AGAP1: variants seen among roughly 807,000 people sequenced by gnomAD.
The protein encoded by AGAP1 is arf-GAP with GTPase, ANK repeat and PH domain-containing protein 1.
Under a neutral mutation model 105.3 loss-of-function variants are expected in AGAP1, and 29 were observed. That is an observed-to-expected ratio of 0.28 (90% CI 0.21 to 0.38). AGAP1 has a LOEUF of 0.38. AGAP1 is among the 10% of genes least tolerant of loss of function. The pLI, the probability that AGAP1 is intolerant of heterozygous loss-of-function variation, is 1.00. For missense variants in AGAP1, 998 were observed against 1,165.1 expected (o/e 0.86, Z 2.09); for synonymous variants, 509 against 485.9 (o/e 1.05, Z -0.63).
chr2:235,778,664 A>G (rs1024117482), intron 6 of AGAP1, among the ~76,000 whole-genome samples: 1 of 152,162 alleles, frequency 6.6e-6, no homozygotes, highest in Non-Finnish European at 1.5e-5. Flanking sequence ...CAGGGTCCTC[A>G]TCTGGGAAAC....
rs929075556 is a variant in AGAP1, at chr2:235,970,259, G to C, written c.1645+1636G>C. On this transcript the variant is annotated intron_variant, in intron 13 of 17. Transcript: ENST00000304032. The surrounding 1 kb of genome is among the most constrained non-coding windows in gnomAD (Gnocchi z 5.4). The stretch of plus-strand genomic sequence containing the variant: ...TTTTTCTCATGTTGTGGGGAGTGAG[G>C]ATAATCCCATTAAGTCAGCGATGGT... 2.0e-5 allele frequency among the ~76,000 whole-genome samples: 3 copies of C among 150,868 alleles called. No individual in the cohort carries two copies. Among genetic ancestry groups the C allele is most frequent in the Non-Finnish European group, 2.9e-5 (2 of 67,832 alleles).
At chr2:235,870,528 A>C (rs1389800302) in intron 9 of AGAP1, among the ~76,000 whole-genome samples, 1 of 152,120 alleles carries the variant, frequency 6.6e-6, no homozygotes, top group African/African-American at 2.4e-5. Flanking sequence ...TCGGAGGCTG[A>C]GGCAGGAGAA....
chr2:235,771,997 A>ATT (rs1553627860), intron 6 of AGAP1, among the ~76,000 whole-genome samples: 2 of 131,666 alleles, frequency 1.5e-5, no homozygotes, highest in Non-Finnish European at 3.2e-5. Flanking sequence ...TTCTTTTCTT[A>ATT]TCTTTTTTTT....
chr2:235,783,512 G>A, intron 6 of AGAP1: 1 of 365,854 alleles, frequency 2.7e-6, no homozygotes, highest in South Asian at 2.2e-5. Context: ...AAAAGACCTT[G>A]TGACGTCCCT....
chr2:235,498,857 G>C (rs765529704), intron 1 of AGAP1, among the ~76,000 whole-genome samples: 1 of 152,180 alleles, frequency 6.6e-6, no homozygotes, highest in Non-Finnish European at 1.5e-5. Flanking sequence ...CCTGGCACTT[G>C]GCAGGAGAAC....
At position 236,121,273 on chromosome 2, in the gene AGAP1, G is replaced by T. The variant is rs1359861623; in HGVS notation, c.2370+826G>T. Among the ~76,000 whole-genome samples the T allele has an allele frequency of 6.6e-6, 1 of 152,226 alleles. No homozygotes were observed. The highest frequency in any genetic ancestry group is 2.4e-5 in the African/African-American group (1 of 41,458). ...ACAGCAGCATGGGTAGAGTGCAGCA[G>T]GTTTCTGCATGTTTTTGATCTGACT... On this transcript the variant is annotated intron_variant, in intron 17 of 17. Transcript: ENST00000304032. This position sits in a 1 kb window ranked among gnomAD's most constrained non-coding sequence, Gnocchi z 4.9.
intron 1 of AGAP1, among the ~76,000 whole-genome samples, chr2:235,531,055 C>T (rs1574779170): frequency 6.6e-6 from 1 of 152,232 alleles, no homozygotes; most frequent in Non-Finnish European, 1.5e-5. Flanking sequence ...GTGAGAAAAC[C>T]AGTAGCTGAA....
rs532953692 is a variant in AGAP1 at position 235,965,564 on chromosome 2, TCAG to T, written c.1484-2895_1484-2893del. Among the ~76,000 whole-genome samples the T allele has an allele frequency of 1.1e-3, 172 of 152,236 alleles. 1 individual carries two copies. Among genetic ancestry groups the T allele is most frequent in the African/African-American group, 4.0e-3 (165 of 41,544 alleles). On this transcript the variant is annotated intron_variant, in intron 12 of 17. Coordinates refer to ENST00000304032, the MANE Select transcript of AGAP1 (RefSeq NM_001037131.3). The surrounding 1 kb of genome is among the most constrained non-coding windows in gnomAD (Gnocchi z 5.8). ...GCAGACCTGACCGAGCTCTGTGACT[TCAG>T]CAAGTTACTTAACCTTCCCCTGTGC...
intron 12 of AGAP1, among the ~76,000 whole-genome samples, chr2:235,950,887 C>CTTTTTTTTTTTTTT (rs200110792): frequency 1.7e-5 from 2 of 118,258 alleles, no homozygotes; most frequent in Non-Finnish European, 3.6e-5. Flanking sequence ...TCTCCAAGCA[C>CTTTTTTTTTTTTTT]TTTTTTTTTT....
At chr2:235,638,638 G>A (rs1387144982) in intron 1 of AGAP1, among the ~76,000 whole-genome samples, 4 of 151,962 alleles carry the variant, frequency 2.6e-5, no homozygotes, top group Non-Finnish European at 4.4e-5. Flanking sequence ...ATGAATGGTG[G>A]TTCCCAATTA....
In AGAP1 at chr2:235,609,041, A is replaced by G. The variant is rs1432315794; in HGVS notation, c.164-100138A>G. On this transcript the variant is annotated intron_variant, in intron 1 of 17. Coordinates refer to ENST00000304032, the MANE Select transcript of AGAP1 (RefSeq NM_001037131.3). This position sits in a 1 kb window ranked among gnomAD's most constrained non-coding sequence, Gnocchi z 5.1. The stretch of plus-strand genomic sequence containing the variant: ...AAGGAGGGAGGAAGGAGGCAGTGGT[A>G]AGTTCTGCATAGAAATGATTTTTGC... 1.3e-5 allele frequency among the ~76,000 whole-genome samples: 2 copies of G among 152,188 alleles called. No individual in the cohort carries two copies. Among genetic ancestry groups the G allele is most frequent in the African/African-American group, 4.8e-5 (2 of 41,450 alleles).
Position 236,076,771 on chromosome 2 carries a change from T to G in AGAP1, c.2114+27490T>G, listed in dbSNP as rs2058646235. Among the ~76,000 whole-genome samples, 1 of 152,054 alleles carries G rather than the reference T, an allele frequency of 6.6e-6. No individual in the cohort carries two copies. Among genetic ancestry groups the G allele is most frequent in the Non-Finnish European group, 1.5e-5 (1 of 68,010 alleles). On this transcript the variant is annotated intron_variant, in intron 16 of 17. Transcript: ENST00000304032. This position sits in a 1 kb window ranked among gnomAD's most constrained non-coding sequence, Gnocchi z 4.4. ...CCACTTCCTAGAGAAATGCCTCCAGTGAGCCAGGGCTACATTTTGGGAAGT... is the reference window on the plus strand; with the variant it reads ...CCACTTCCTAGAGAAATGCCTCCAGGGAGCCAGGGCTACATTTTGGGAAGT...
intron 1 of AGAP1, among the ~76,000 whole-genome samples, chr2:235,532,245 GTC>G (rs1943069557): frequency 6.6e-6 from 1 of 152,042 alleles, no homozygotes; most frequent in African/African-American, 2.4e-5. Context: ...CTAAGACAAA[GTC>G]TCTCTCTTGC....
chr2:236,003,038 C>T lies in AGAP1; in HGVS notation c.1646-33523C>T, dbSNP rs2056188307. On this transcript the variant is annotated intron_variant, in intron 13 of 17. Coordinates refer to ENST00000304032, the MANE Select transcript of AGAP1 (RefSeq NM_001037131.3). The surrounding 1 kb of genome is among the most constrained non-coding windows in gnomAD (Gnocchi z 4.2). The stretch of plus-strand genomic sequence containing the variant: ...AACACAGAAGTAAGTTAGAAAATTA[C>T]TCACGTATTCGCCCACTGTGTGCCA... Among the ~76,000 whole-genome samples the T allele has an allele frequency of 6.6e-6, 1 of 151,998 alleles. No homozygotes were observed.
intron 1 of AGAP1, among the ~76,000 whole-genome samples, chr2:235,558,141 C>T (rs1944031357): frequency 6.6e-6 from 1 of 152,126 alleles, no homozygotes; most frequent in African/African-American, 2.4e-5. Context: ...TGTGCCTGGC[C>T]CCGCAGGGTA....
chr2:235,527,739 A>T (rs1371875464), intron 1 of AGAP1, among the ~76,000 whole-genome samples: 1 of 152,182 alleles, frequency 6.6e-6, no homozygotes, highest in Non-Finnish European at 1.5e-5. Flanking sequence ...CACGGTAGAA[A>T]CAGGGTGGAA....
chr2:235,841,566 G>C (rs1960845636), intron 9 of AGAP1, among the ~76,000 whole-genome samples: 1 of 152,118 alleles, frequency 6.6e-6, no homozygotes, highest in African/African-American at 2.4e-5. Flanking sequence ...GGAGGTTGAG[G>C]CTGCAGTGAA....
intron 6 of AGAP1, chr2:235,776,902 T>G: frequency 2.1e-6 from 1 of 470,690 alleles, no homozygotes; most frequent in Non-Finnish European, 4.4e-6. Context: ...CCTCTCTGGC[T>G]TTTCCGCCAA....
rs899607648 is a variant in AGAP1, at chr2:235,633,024, C to G, written c.164-76155C>G. 2.6e-5 allele frequency among the ~76,000 whole-genome samples: 4 copies of G among 152,026 alleles called. No homozygotes were observed. The highest frequency in any genetic ancestry group is 9.7e-5 in the African/African-American group (4 of 41,380). On this transcript the variant is annotated intron_variant, in intron 1 of 17. Transcript: ENST00000304032. This position sits in a 1 kb window ranked among gnomAD's most constrained non-coding sequence, Gnocchi z 4.8. ...AGAAGCCCGTGGTGCAGCCTCTGAA[C>G]CCCCGACTCTTGGTGGGCTTTTGAG...
Sources: gnomAD v4.1 joint callset for allele counts (sites outside exome capture counted in the v4.1 genomes callset) on GRCh38, gnomAD v4.1.1 for gene constraint, Gnocchi (gnomAD v3.1) non-coding constraint, MANE v1.5 for transcripts, NCBI Gene and HGNC (gene_info 2026-07-23, HGNC 2026-07-21) for gene names.